The following CBFA2T2 variants were observed in gnomAD, a reference collection of about 807,000 sequenced individuals.
The protein encoded by CBFA2T2 is protein CBFA2T2.
In CBFA2T2, 11 loss-of-function variants were observed where a neutral mutation model predicts 62.2. The observed-to-expected ratio is 0.18, with a 90% CI of 0.11 to 0.29. The LOEUF (loss-of-function observed/expected upper bound fraction) is 0.29. CBFA2T2 is among the 10% of genes least tolerant of loss of function. The pLI is 1.00. For missense variants in CBFA2T2, 592 were observed against 774.1 expected (o/e 0.76, Z 2.79); for synonymous variants, 295 against 287.5 (o/e 1.03, Z -0.27).
chr20:33,554,262 T>C (rs896759471), intron 1 of CBFA2T2, among the ~76,000 whole-genome samples: 1 of 151,032 alleles, frequency 6.6e-6, no homozygotes, highest in African/African-American at 2.4e-5. Flanking sequence ...TTTCTTTTTT[T>C]TTTTTTTTTT....
chr20:33,490,445 A>G, intron 1 of CBFA2T2, 144 bp downstream of exon 1: 1 of 884,950 alleles, frequency 1.1e-6, no homozygotes, highest in Non-Finnish European at 1.5e-6. Flanking sequence ...AAGGTCACGC[A>G]GCGGGGCGGG....
chr20:33,601,709 C>T (rs559309853), intron 1 of CBFA2T2: 8 of 152,298 alleles, frequency 5.3e-5, no homozygotes, highest in African/African-American at 1.9e-4. Context: ...CTATATTCTG[C>T]ATATTTTCTC....
intron 1 of CBFA2T2, among the ~76,000 whole-genome samples, chr20:33,584,361 G>C (rs1179597717): frequency 6.6e-6 from 1 of 151,412 alleles, no homozygotes; most frequent in African/African-American, 2.4e-5. Flanking sequence ...CACCTCCCAG[G>C]TTCACACCAT....
At chr20:33,507,621 G>A (rs538800786) in intron 1 of CBFA2T2, among the ~76,000 whole-genome samples, 4 of 152,086 alleles carry the variant, frequency 2.6e-5, no homozygotes, top group South Asian at 4.1e-4. Flanking sequence ...GGACCCTTTC[G>A]ATACATTCCT....
At chr20:33,565,695 A>C (rs1425804608) in intron 1 of CBFA2T2, among the ~76,000 whole-genome samples, 1 of 152,150 alleles carries the variant, frequency 6.6e-6, no homozygotes, top group Admixed American at 6.6e-5. Flanking sequence ...TACTGGAGAA[A>C]ATCATGATTC....
intron 1 of CBFA2T2, among the ~76,000 whole-genome samples, chr20:33,606,393 C>T (rs1460139470): frequency 1.3e-5 from 2 of 152,084 alleles, no homozygotes; most frequent in African/African-American, 4.8e-5. Flanking sequence ...AACAAAGTAC[C>T]ACTAACTGAG....
chr20:33,595,463 G>A (rs1420495068), intron 1 of CBFA2T2, among the ~76,000 whole-genome samples: 2 of 152,086 alleles, frequency 1.3e-5, no homozygotes, highest in Non-Finnish European at 2.9e-5. Flanking sequence ...GCCCACCTCG[G>A]CCTCCCAAAG....
chr20:33,541,443 C>T (rs142715013), intron 1 of CBFA2T2, among the ~76,000 whole-genome samples: 13 of 152,278 alleles, frequency 8.5e-5, no homozygotes, highest in Non-Finnish European at 1.5e-4. Flanking sequence ...TTGAAATTGA[C>T]GAGTCGTATA....
chr20:33,623,013 A>T (rs2016051894), intron 4 of CBFA2T2, 102 bp from the exon 5 acceptor site: 1 of 1,083,992 alleles, frequency 9.2e-7, no homozygotes, highest in Non-Finnish European at 1.3e-6. Context: ...CCAAGGAGAG[A>T]AAGGCTTTTA....
At chr20:33,599,761 T>A (rs2015041644) in intron 1 of CBFA2T2, among the ~76,000 whole-genome samples, 1 of 151,962 alleles carries the variant, frequency 6.6e-6, no homozygotes, top group Admixed American at 6.6e-5. Flanking sequence ...CCTGGCTAAT[T>A]TTTTGTATTT....
chr20:33,600,182 G>GT (rs1183371343), intron 1 of CBFA2T2, among the ~76,000 whole-genome samples: 10,779 of 61,578 alleles, frequency 0.18, 2,437 homozygotes, highest in East Asian at 0.41. Flanking sequence ...CTTTTGGAAA[G>GT]TTTTTTTTTT....
intron 1 of CBFA2T2, among the ~76,000 whole-genome samples, chr20:33,533,678 AAAG>A (rs1467227546): frequency 6.6e-6 from 1 of 152,050 alleles, no homozygotes; most frequent in Non-Finnish European, 1.5e-5. Flanking sequence ...TTTAAAAAAA[AAAG>A]CACAGATGGG....
rs1402717221 is a variant in CBFA2T2 at position 33,647,731 on chromosome 20, T to C, written c.*3085T>C. 1 of 152,276 alleles carries C rather than the reference T, an allele frequency of 6.6e-6. No individual in the cohort carries two copies. The highest frequency in any genetic ancestry group is 1.5e-5 in the Non-Finnish European group (1 of 68,074). The allele number at this position is 152,276 out of a possible 1,614,324, so 9.4% of individuals were successfully genotyped here. A position where few individuals can be genotyped will look rare whatever the true frequency, so the allele number is the denominator to read the frequency against. On this transcript the variant is annotated 3_prime_UTR_variant, in exon 11 of 11. Coordinates refer to ENST00000342704, the MANE Select transcript of CBFA2T2 (RefSeq NM_001032999.3). ...CTGTGGCTAAGGCTTAGGTTTGGTG[T>C]GCAGAGCCTGGCCTGCTCTTGTGGG...
chr20:33,550,296 TAAAA>T (rs2012702513), intron 1 of CBFA2T2, among the ~76,000 whole-genome samples: 2 of 152,114 alleles, frequency 1.3e-5, no homozygotes, highest in Non-Finnish European at 2.9e-5. Context: ...ATCCTCCCAT[TAAAA>T]AATTCTTGAA....
rs376382499 is a variant in CBFA2T2 at position 33,611,351 on chromosome 20, C to T, written c.420+16C>T. ...TGCACTGGTGGTAAGTACAGCCTCA[C>T]TGTTGTTCTCAGCTGCCTGAGTATG... On this transcript the variant is annotated intron_variant, in intron 3 of 10. Coordinates refer to ENST00000342704, the MANE Select transcript of CBFA2T2 (RefSeq NM_001032999.3). 2.8e-4 allele frequency: 444 copies of T among 1,610,248 alleles called. No individual in the cohort carries two copies. The highest frequency in any genetic ancestry group is 3.5e-4 in the Non-Finnish European group (410 of 1,176,864).
chr20:33,648,809 G>A lies in CBFA2T2; in HGVS notation c.*4163G>A, dbSNP rs2017143331. ...CACCAGGAGTTCATCACTGCTTAGT[G>A]TCAACTTGACATCTTCAGCTTCCAG... On this transcript the variant is annotated 3_prime_UTR_variant, in exon 11 of 11. Coordinates refer to ENST00000342704, the MANE Select transcript of CBFA2T2 (RefSeq NM_001032999.3). The A allele has an allele frequency of 6.6e-6, 1 of 152,194 alleles. No homozygotes were observed. The highest frequency in any genetic ancestry group is 2.4e-5 in the African/African-American group (1 of 41,442). The allele number at this position is 152,194 out of a possible 1,614,324, so 9.4% of individuals were successfully genotyped here.
intron 2 of CBFA2T2, among the ~76,000 whole-genome samples, chr20:33,609,637 C>T (rs1162085103): frequency 6.6e-6 from 1 of 152,084 alleles, no homozygotes; most frequent in Non-Finnish European, 1.5e-5. Context: ...ATACCTGAAC[C>T]GTATGGGATG....
intron 1 of CBFA2T2, among the ~76,000 whole-genome samples, chr20:33,593,058 C>T (rs532767419): frequency 3.0e-4 from 46 of 152,248 alleles, no homozygotes; most frequent in African/African-American, 1.1e-3. Flanking sequence ...TGACCAGGCA[C>T]CCTGGCTCAT....
chr20:33,511,813 G>A (rs2011516604), intron 1 of CBFA2T2, among the ~76,000 whole-genome samples: 2 of 152,120 alleles, frequency 1.3e-5, no homozygotes. Context: ...GAGCCCAGGA[G>A]TTCTGAGGAT....
Sources: gnomAD v4.1 joint callset for allele counts (sites outside exome capture counted in the v4.1 genomes callset) on GRCh38, gnomAD v4.1.1 for gene constraint, MANE v1.5 for transcripts, NCBI Gene and HGNC (gene_info 2026-07-23, HGNC 2026-07-21) for gene names.